The following UHRF1 variants were observed in gnomAD, a reference collection of about 807,000 sequenced individuals.
UHRF1 encodes E3 ubiquitin-protein ligase UHRF1.
UHRF1 carries 9 observed loss-of-function variants against 96.5 expected under a neutral mutation model. The observed-to-expected ratio is 0.09, with a 90% CI of 0.06 to 0.16. UHRF1 has a LOEUF of 0.16. Ranked by LOEUF, UHRF1 falls within the 10% of genes least tolerant of loss-of-function variation. UHRF1 has a pLI of 1.00. For synonymous variants in UHRF1, 455 were observed against 469.9 expected (o/e 0.97, Z 0.41); for missense variants, 626 against 1,131.1 (o/e 0.55, Z 6.40).
At position 4,941,540 on chromosome 19, in the gene UHRF1, G is replaced by C; in HGVS notation, c.798G>C (p.Leu266=). Residue 266 remains leucine (L), a synonymous_variant, in exon 6 of 17, where the codon CTG becomes CTC. Coordinates refer to ENST00000650932, the MANE Select transcript of UHRF1 (RefSeq NM_001048201.3). ...TCGTTCCTTGCAGGGATGATTCTCT[G>C]AACGACTGTCGGATCATCTTCGTGG... ...YANVVLGDDS[L]NDCRIIFVDE... 3 of 1,613,216 alleles carry C rather than the reference G, an allele frequency of 1.9e-6. No homozygotes were observed. The highest frequency in any genetic ancestry group is 2.7e-5 in the African/African-American group (2 of 75,028).
intron 1 of UHRF1, chr19:4,910,286 G>C (rs1361657264): frequency 6.6e-6 from 1 of 150,714 alleles, no homozygotes; most frequent in Non-Finnish European, 1.5e-5. Context: ...TGGCCGGGAC[G>C]GGGCGGCCGG....
chr19:4,952,327 C>T (rs893117730), intron 13 of UHRF1, among the ~76,000 whole-genome samples: 1 of 149,706 alleles, frequency 6.7e-6, no homozygotes, highest in Admixed American at 6.7e-5. Flanking sequence ...CTCCTGACCT[C>T]AGGTGATCCA....
chr19:4,922,004 G>A (rs1197403811), intron 2 of UHRF1, among the ~76,000 whole-genome samples: 1 of 152,196 alleles, frequency 6.6e-6, no homozygotes, highest in African/African-American at 2.4e-5. Flanking sequence ...CGCCTAGGCT[G>A]GAGTGCAATG....
Position 4,932,798 on chromosome 19 carries a change from C to A in UHRF1, c.627C>A (p.Arg209=), listed in dbSNP as rs1351253972. The part of the protein sequence containing the change: ...MNSRDVRARA[R]TIIKWQDLEV... ...CCAGGGACGTCCGAGCGCGCGCCCG[C>A]ACCATCATCAAGTGGCAGGACCTGG... Residue 209 remains arginine (R), a synonymous_variant, in exon 5 of 17, where the codon CGC becomes CGA. Transcript: ENST00000650932. 3 of 1,613,938 alleles carry A rather than the reference C, an allele frequency of 1.9e-6. No individual in the cohort carries two copies. Among genetic ancestry groups the A allele is most frequent in the South Asian group, 1.1e-5 (1 of 91,086 alleles).
chr19:4,920,636 C>G (rs948573354), intron 2 of UHRF1, among the ~76,000 whole-genome samples: 2 of 152,048 alleles, frequency 1.3e-5, no homozygotes, highest in Non-Finnish European at 2.9e-5. Context: ...GCATGAGAAC[C>G]CCAAACTCCT....
intron 2 of UHRF1, among the ~76,000 whole-genome samples, chr19:4,917,665 A>G (rs914865296): frequency 1.3e-5 from 2 of 150,566 alleles, no homozygotes; most frequent in Admixed American, 6.6e-5. Context: ...AAAAAAAAAA[A>G]AAAAAAAAAA....
intron 7 of UHRF1, among the ~76,000 whole-genome samples, chr19:4,943,870 T>G (rs1477809826): frequency 6.6e-6 from 1 of 152,150 alleles, no homozygotes; most frequent in Non-Finnish European, 1.5e-5. Flanking sequence ...AGGCTGGTCT[T>G]GAACTCCTGA....
chr19:4,930,693 C>A lies in UHRF1; in HGVS notation c.409-23C>A. On this transcript the variant is annotated intron_variant, in intron 3 of 16. Coordinates refer to ENST00000650932, the MANE Select transcript of UHRF1 (RefSeq NM_001048201.3). The surrounding 1 kb of genome is among the most constrained non-coding windows in gnomAD (Gnocchi z 4.4). ...AGTTTTCCTCACCCCGTTGGGATGC[C>A]AGACTTCCCTCATTCCTCACAGGTC... The A allele has an allele frequency of 1.9e-6, 3 of 1,610,482 alleles. No homozygotes were observed. The highest frequency in any genetic ancestry group is 1.3e-5 in the African/African-American group (1 of 74,982).
chr19:4,941,568 G>A lies in UHRF1; in HGVS notation c.826G>A (p.Glu276Lys), dbSNP rs1159195239. Reference sequence around the variant, plus strand: ...CGACTGTCGGATCATCTTCGTGGACGAAGTCTTCAAGATTGAGCGGCCGGG... The same window carrying A: ...CGACTGTCGGATCATCTTCGTGGACAAAGTCTTCAAGATTGAGCGGCCGGG... The part of the protein sequence containing the change: ...LNDCRIIFVD[E>K]VFKIERPGEG... The change falls in exon 6 of 17, where the codon GAA (glutamate) becomes AAA (lysine). Residue 276 changes from glutamate to lysine, a missense_variant. Transcript: ENST00000650932. 6.2e-7 allele frequency: 1 copy of A among 1,613,678 alleles called. No homozygotes were observed. Among genetic ancestry groups the A allele is most frequent in the Non-Finnish European group, 8.5e-7 (1 of 1,179,808 alleles).
At chr19:4,906,824 G>A (rs911831767), upstream of UHRF1, among the ~76,000 whole-genome samples, 2 of 152,186 alleles carry the variant, frequency 1.3e-5, no homozygotes, top group African/African-American at 2.4e-5. Flanking sequence ...TCGCAACAGC[G>A]CTACAAACAG....
chr19:4,946,979 C>A, intron 10 of UHRF1, 126 bp from the exon 11 acceptor site: 1 of 718,206 alleles, frequency 1.4e-6, no homozygotes, highest in Non-Finnish European at 2.3e-6. Context: ...TCCCCACATT[C>A]TCACCAACGC....
At chr19:4,920,974 A>G (rs950942362) in intron 2 of UHRF1, among the ~76,000 whole-genome samples, 1 of 151,762 alleles carries the variant, frequency 6.6e-6, no homozygotes. Context: ...AAATACAAAC[A>G]TTAGCTGGGC....
In UHRF1 at chr19:4,921,951, A is replaced by G. The variant is rs949309611; in HGVS notation, c.154-7271A>G. ...AAACTCGATTTTTATTTTTATTTGT[A>G]TTTACTTATTTTGTTTATTTATTTG... On this transcript the variant is annotated intron_variant, in intron 2 of 16. Coordinates refer to ENST00000650932, the MANE Select transcript of UHRF1 (RefSeq NM_001048201.3). Among the ~76,000 whole-genome samples the G allele has an allele frequency of 6.6e-5, 10 of 152,178 alleles. No individual in the cohort carries two copies. The East Asian group carries it at 1.7e-3, about 26-fold the overall frequency.
At chr19:4,942,292 G>A (rs950543414) in intron 7 of UHRF1, among the ~76,000 whole-genome samples, 5 of 152,034 alleles carry the variant, frequency 3.3e-5, no homozygotes, top group African/African-American at 7.2e-5. Context: ...TCGGGTTCAC[G>A]CCATTCTCCT....
intron 7 of UHRF1, among the ~76,000 whole-genome samples, chr19:4,943,194 C>G (rs147225094): frequency 1.3e-5 from 2 of 151,972 alleles, no homozygotes; most frequent in African/African-American, 4.8e-5. Flanking sequence ...GAACTGAGAT[C>G]GCGCCACTGC....
intron 15 of UHRF1, among the ~76,000 whole-genome samples, chr19:4,956,302 C>A (rs1444173803): frequency 6.6e-6 from 1 of 152,288 alleles, no homozygotes; most frequent in South Asian, 2.1e-4. Context: ...CTGGCTCAAG[C>A]GATCCTCTTG....
chr19:4,946,417 GTC>G (rs1367481964), intron 10 of UHRF1, among the ~76,000 whole-genome samples: 1 of 151,910 alleles, frequency 6.6e-6, no homozygotes, highest in Non-Finnish European at 1.5e-5. Context: ...GTGTTGATCT[GTC>G]TGTCCGTGGG....
chr19:4,913,252 CTTTTTTTTTT>C (rs4022195), intron 2 of UHRF1, among the ~76,000 whole-genome samples: 1 of 111,202 alleles, frequency 9.0e-6, no homozygotes, highest in African/African-American at 3.7e-5. Context: ...GTACATTGTG[CTTTTTTTTTT>C]TTTTTTTTGA....
At chr19:4,922,882 AAGC>A (rs1487966962) in intron 2 of UHRF1, among the ~76,000 whole-genome samples, 1 of 152,154 alleles carries the variant, frequency 6.6e-6, no homozygotes, top group Non-Finnish European at 1.5e-5. Context: ...AGCCCACGCT[AAGC>A]AGGGTGCTTC....
Sources: allele counts gnomAD v4.1 joint callset (sites outside exome capture counted in the v4.1 genomes callset), GRCh38; gene constraint gnomAD v4.1.1; non-coding constraint Gnocchi (gnomAD v3.1); transcripts MANE v1.5; gene names NCBI Gene and HGNC (gene_info 2026-07-23, HGNC 2026-07-21).